PTPRD: variants seen among roughly 807,000 people sequenced by gnomAD.
PTPRD encodes protein tyrosine phosphatase receptor type D, also known as receptor-type tyrosine-protein phosphatase delta.
Under a neutral mutation model 214.5 loss-of-function variants are expected in PTPRD, and 34 were observed. That is an observed-to-expected ratio of 0.16 (90% confidence interval 0.12 to 0.21). The LOEUF is 0.21. Among genes scored for constraint, PTPRD ranks in the 10% least tolerant of loss-of-function variants. The probability of loss-of-function intolerance (pLI) is 1.00; values close to 1 mark genes in which losing one functional copy is unlikely to be tolerated. For synonymous variants in PTPRD, 1,128 were observed against 845.7 expected (o/e 1.33, Z -5.79); for missense variants, 2,545 against 2,398.7 (o/e 1.06, Z -1.27).
At chr9:8,845,732 C>A (rs1211381914) in intron 11 of PTPRD, among the ~76,000 whole-genome samples, 2 of 152,154 alleles carry the variant, frequency 1.3e-5, no homozygotes, top group Admixed American at 6.5e-5. Flanking sequence ...GTCACTTTCC[C>A]CCAAAAAAAG....
intron 7 of PTPRD, among the ~76,000 whole-genome samples, chr9:9,681,815 C>G (rs557145589): frequency 4.1e-4 from 63 of 151,832 alleles, no homozygotes; most frequent in African/African-American, 1.5e-3. Flanking sequence ...GACTTACAAA[C>G]AGAAAATAAT....
chr9:8,794,554 G>A (rs945165524), intron 11 of PTPRD, among the ~76,000 whole-genome samples: 8 of 145,246 alleles, frequency 5.5e-5, no homozygotes, highest in Non-Finnish European at 1.2e-4. Flanking sequence ...ATGTTGCCCA[G>A]GCTGGACTCC....
At chr9:8,433,861 T>C (rs566671498) in intron 35 of PTPRD, among the ~76,000 whole-genome samples, 64 of 152,282 alleles carry the variant, frequency 4.2e-4, no homozygotes, top group Non-Finnish European at 7.6e-4. Flanking sequence ...AAGTCTACAG[T>C]AGTATACAGT....
intron 9 of PTPRD, among the ~76,000 whole-genome samples, chr9:9,223,452 A>T (rs949412607): frequency 1.4e-4 from 21 of 152,162 alleles, no homozygotes; most frequent in Middle Eastern, 3.4e-3. Flanking sequence ...CACACAGATT[A>T]ATCTACCCCT....
At chr9:9,089,565 T>C (rs908693775) in intron 10 of PTPRD, among the ~76,000 whole-genome samples, 16 of 152,320 alleles carry the variant, frequency 1.1e-4, no homozygotes, top group African/African-American at 3.4e-4. Flanking sequence ...GGCCTACAAA[T>C]TGATTCCATG....
intron 8 of PTPRD, among the ~76,000 whole-genome samples, chr9:9,569,704 A>G (rs1221795914): frequency 6.6e-6 from 1 of 151,684 alleles, no homozygotes; most frequent in Non-Finnish European, 1.5e-5. Context: ...GACAAATAGG[A>G]AAGTCTTAGA....
At chr9:9,419,861 A>G (rs1036639030) in intron 8 of PTPRD, among the ~76,000 whole-genome samples, 6 of 151,766 alleles carry the variant, frequency 4.0e-5, no homozygotes, top group African/African-American at 1.4e-4. Context: ...TTTAAGAAAA[A>G]TATTTTATAG....
intron 9 of PTPRD, among the ~76,000 whole-genome samples, chr9:9,248,822 T>G (rs1055472022): frequency 4.6e-5 from 7 of 151,992 alleles, no homozygotes; most frequent in Non-Finnish European, 7.4e-5. Context: ...GCAGGGACCA[T>G]GGAGACAAAC....
intron 14 of PTPRD, among the ~76,000 whole-genome samples, chr9:8,622,370 A>G (rs2095850489): frequency 6.6e-6 from 1 of 151,958 alleles, no homozygotes; most frequent in African/African-American, 2.4e-5. Flanking sequence ...CACATCTTAC[A>G]TTTCAACAAA....
At chr9:9,351,117 A>G (rs1362530034) in intron 9 of PTPRD, among the ~76,000 whole-genome samples, 1 of 151,936 alleles carries the variant, frequency 6.6e-6, no homozygotes, top group South Asian at 2.1e-4. Flanking sequence ...CCCTTACTCA[A>G]TTCCCTCAAT....
chr9:10,112,356 G>C (rs1244576235), intron 3 of PTPRD, among the ~76,000 whole-genome samples: 1 of 152,054 alleles, frequency 6.6e-6, no homozygotes. Context: ...CTCTGTGTTT[G>C]CCTTGCCAAA....
chr9:10,325,665 C>T (rs555112765), intron 3 of PTPRD, among the ~76,000 whole-genome samples: 138 of 151,732 alleles, frequency 9.1e-4, no homozygotes, highest in Admixed American at 1.2e-3. Flanking sequence ...TTGAACATAC[C>T]AAACAATAGC....
intron 7 of PTPRD, among the ~76,000 whole-genome samples, chr9:9,708,055 G>A (rs1039804669): frequency 4.6e-5 from 7 of 151,986 alleles, no homozygotes; most frequent in African/African-American, 1.7e-4. Context: ...AGAACAAAGA[G>A]ACTTTCAATG....
At chr9:9,512,153 C>T (rs1243847080) in intron 8 of PTPRD, among the ~76,000 whole-genome samples, 2 of 151,754 alleles carry the variant, frequency 1.3e-5, no homozygotes, top group African/African-American at 4.8e-5. Flanking sequence ...AACTCATGAT[C>T]TCTCTTATTC....
At chr9:9,528,175 T>C (rs752243945) in intron 8 of PTPRD, among the ~76,000 whole-genome samples, 1 of 152,182 alleles carries the variant, frequency 6.6e-6, no homozygotes, top group Admixed American at 6.5e-5. Flanking sequence ...GAGATAATTC[T>C]GTAGATCTTC....
At chr9:9,969,539 G>C (rs73404552) in intron 4 of PTPRD, among the ~76,000 whole-genome samples, 1 of 152,146 alleles carries the variant, frequency 6.6e-6, no homozygotes, top group Non-Finnish European at 1.5e-5. Flanking sequence ...AAAGATTTAA[G>C]GAGTCACTTT....
intron 3 of PTPRD, among the ~76,000 whole-genome samples, chr9:10,211,918 AC>A (rs576370402): frequency 1.2e-3 from 181 of 152,266 alleles, no homozygotes; most frequent in African/African-American, 4.2e-3. Flanking sequence ...TGCTCATGTA[AC>A]AAAACTGCAC....
At chr9:10,412,720 T>C (rs2098449853) in intron 2 of PTPRD, among the ~76,000 whole-genome samples, 1 of 150,924 alleles carries the variant, frequency 6.6e-6, no homozygotes, top group South Asian at 2.1e-4. Context: ...CAAAAAACAC[T>C]TGAAAACTGA....
intron 2 of PTPRD, among the ~76,000 whole-genome samples, chr9:10,585,782 A>C (rs1275552731): frequency 6.6e-6 from 1 of 151,946 alleles, no homozygotes; most frequent in African/African-American, 2.4e-5. Flanking sequence ...CTTATTAAAT[A>C]CTGGAGACTT....
Sources: gnomAD v4.1 joint callset for allele counts (sites outside exome capture counted in the v4.1 genomes callset) on GRCh38, gnomAD v4.1.1 for gene constraint, MANE v1.5 for transcripts, NCBI Gene and HGNC (gene_info 2026-07-23, HGNC 2026-07-21) for gene names.